The following DSCAM variants were observed in gnomAD, a reference collection of about 807,000 sequenced individuals.
The protein encoded by DSCAM is DS cell adhesion molecule, also known as cell adhesion molecule DSCAM.
In DSCAM, 47 loss-of-function variants were observed where a neutral mutation model predicts 217.7. The ratio of observed to expected loss-of-function variants is 0.22; its 90% CI spans 0.17 to 0.28. The LOEUF is 0.28. DSCAM is among the 10% of genes least tolerant of loss of function. The probability of loss-of-function intolerance (pLI) is 1.00; values close to 1 mark genes in which losing one functional copy is unlikely to be tolerated. For synonymous variants in DSCAM, 1,056 were observed against 1,015.3 expected (o/e 1.04, Z -0.76); for missense variants, 2,080 against 2,618.3 (o/e 0.79, Z 4.49).
At chr21:40,289,613 G>A (rs1320002494) in intron 10 of DSCAM, among the ~76,000 whole-genome samples, 1 of 152,132 alleles carries the variant, frequency 6.6e-6, no homozygotes, top group South Asian at 2.1e-4. Flanking sequence ...TTTTATTACA[G>A]TACATTGTAA....
At chr21:40,057,613 G>A (rs2089046273) in intron 28 of DSCAM, among the ~76,000 whole-genome samples, 1 of 152,090 alleles carries the variant, frequency 6.6e-6, no homozygotes, top group South Asian at 2.1e-4. Context: ...AACAATAAGG[G>A]GTCTGCTACC....
At chr21:40,396,256 T>C (rs1048203494) in intron 3 of DSCAM, among the ~76,000 whole-genome samples, 4 of 152,194 alleles carry the variant, frequency 2.6e-5, no homozygotes, top group African/African-American at 9.7e-5. Context: ...GCCATGCAAT[T>C]GCACAAGAAA....
chr21:40,514,858 T>C (rs923276861), intron 3 of DSCAM, among the ~76,000 whole-genome samples: 1 of 152,172 alleles, frequency 6.6e-6, no homozygotes, highest in African/African-American at 2.4e-5. Context: ...AACTTTGATT[T>C]AGAGTATAAA....
chr21:40,093,586 C>G, intron 21 of DSCAM, 135 bp downstream of exon 21: 2 of 1,095,814 alleles, frequency 1.8e-6, no homozygotes, highest in Non-Finnish European at 2.6e-6. Context: ...AGCCACAACC[C>G]TGTTTCTTGA....
rs545082921 is a variant in DSCAM, at chr21:40,362,598, G to A, written c.655+6501C>T. Among the ~76,000 whole-genome samples the A allele has an allele frequency of 1.8e-3, 276 of 152,174 alleles. 2 individuals are homozygous for A. The highest frequency in any genetic ancestry group is 5.0e-3 in the African/African-American group (207 of 41,522). On this transcript the variant is annotated intron_variant, in intron 4 of 32. Transcript: ENST00000400454. ...ATTTTCTAATTGTGTCATTTCGTTC[G>A]CATTCAGTAGATATAATTATTCTGC...
chr21:40,358,806 A>C (rs979899310), intron 4 of DSCAM, among the ~76,000 whole-genome samples: 1 of 151,928 alleles, frequency 6.6e-6, no homozygotes, highest in Non-Finnish European at 1.5e-5. Context: ...CATCTCGAAA[A>C]AAAAAAAAAA....
chr21:40,092,891 TA>T (rs1459265912), intron 21 of DSCAM, among the ~76,000 whole-genome samples: 1 of 152,208 alleles, frequency 6.6e-6, no homozygotes, highest in African/African-American at 2.4e-5. Flanking sequence ...CTCACTGCTT[TA>T]TTCTGCCTAT....
At chr21:40,570,170 A>T (rs1410006224) in intron 3 of DSCAM, among the ~76,000 whole-genome samples, 1 of 152,222 alleles carries the variant, frequency 6.6e-6, no homozygotes, top group Non-Finnish European at 1.5e-5. Context: ...GCTGTAAAGC[A>T]GAAAGAGATC....
chr21:40,260,191 C>T (rs1233061374), intron 11 of DSCAM, among the ~76,000 whole-genome samples: 1 of 152,160 alleles, frequency 6.6e-6, no homozygotes, highest in Non-Finnish European at 1.5e-5. Context: ...CCTTACTTGC[C>T]TGTGTATACA....
chr21:40,234,747 G>C (rs183013394), intron 11 of DSCAM, among the ~76,000 whole-genome samples: 4 of 152,078 alleles, frequency 2.6e-5, no homozygotes, highest in East Asian at 3.8e-4. Flanking sequence ...GGGTGGATAT[G>C]TTTCTTTTTT....
intron 24 of DSCAM, among the ~76,000 whole-genome samples, chr21:40,082,001 T>A (rs1290093798): frequency 6.6e-6 from 1 of 152,162 alleles, no homozygotes; most frequent in Non-Finnish European, 1.5e-5. Context: ...CATCCCTAGG[T>A]GCCCCCTATT....
rs1207888939 is a variant in DSCAM, at chr21:40,011,686, G to C, written c.*1348C>G. 6.6e-6 allele frequency: 1 copy of C among 152,136 alleles called. No individual in the cohort carries two copies. Among genetic ancestry groups the C allele is most frequent in the African/African-American group, 2.4e-5 (1 of 41,442 alleles). 9.4% of individuals were successfully genotyped at this position (152,136 alleles called of 1,614,324 possible). A position where few individuals can be genotyped will look rare whatever the true frequency, so the allele number is the denominator to read the frequency against. ...TATTTATGAGTAAATTCTCTCTTAG[G>C]ATGAGCCACATGGGAGATAAAGTGA... On this transcript the variant is annotated 3_prime_UTR_variant, in exon 33 of 33. Coordinates refer to ENST00000400454, the MANE Select transcript of DSCAM (RefSeq NM_001389.5).
intron 16 of DSCAM, among the ~76,000 whole-genome samples, chr21:40,146,798 C>T (rs2090362810): frequency 6.6e-6 from 1 of 152,164 alleles, no homozygotes; most frequent in East Asian, 1.9e-4. Flanking sequence ...TCCTCTGAAT[C>T]CACAGATGTG....
intron 3 of DSCAM, among the ~76,000 whole-genome samples, chr21:40,455,520 A>C (rs2075756336): frequency 6.6e-6 from 1 of 152,222 alleles, no homozygotes; most frequent in Non-Finnish European, 1.5e-5. Flanking sequence ...TAATCCCAGC[A>C]CTTTGGGAGG....
intron 1 of DSCAM, among the ~76,000 whole-genome samples, chr21:40,826,786 C>A (rs561571231): frequency 6.6e-5 from 10 of 152,210 alleles, no homozygotes; most frequent in Admixed American, 2.0e-4. Flanking sequence ...ATCCAGAAGG[C>A]CTCCTTCAGA....
intron 3 of DSCAM, among the ~76,000 whole-genome samples, chr21:40,649,888 G>C (rs1043542317): frequency 6.6e-6 from 1 of 152,080 alleles, no homozygotes; most frequent in African/African-American, 2.4e-5. Flanking sequence ...GAAACTTGGA[G>C]AGAGAGAGAG....
chr21:40,785,265 A>T (rs1413106202), intron 1 of DSCAM, among the ~76,000 whole-genome samples: 4 of 152,222 alleles, frequency 2.6e-5, no homozygotes, highest in Non-Finnish European at 5.9e-5. Context: ...ATTATCCTCC[A>T]GGAGCTGTGA....
At position 40,789,699 on chromosome 21, in the gene DSCAM, G is replaced by T. The variant is rs2091623315; in HGVS notation, c.43+56920C>A. Among the ~76,000 whole-genome samples, 5 of 152,008 alleles carry T rather than the reference G, an allele frequency of 3.3e-5. No homozygotes were observed. The South Asian group carries it at 1.0e-3, about 32-fold the overall frequency. ...GCCTCCCCAGTAGCTGGGACTACAG[G>T]TGCCCACCACCCCGCCCAGCTAATT... is the stretch of plus-strand genomic sequence containing the variant. On this transcript the variant is annotated intron_variant, in intron 1 of 32. Coordinates refer to ENST00000400454, the MANE Select transcript of DSCAM (RefSeq NM_001389.5).
chr21:40,484,083 G>T (rs927667596), intron 3 of DSCAM, among the ~76,000 whole-genome samples: 3 of 152,190 alleles, frequency 2.0e-5, no homozygotes, highest in African/African-American at 7.2e-5. Context: ...TTGCTTTCGA[G>T]AATGTCTCAA....
Sources: allele counts gnomAD v4.1 joint callset (sites outside exome capture counted in the v4.1 genomes callset), GRCh38; gene constraint gnomAD v4.1.1; transcripts MANE v1.5; gene names NCBI Gene and HGNC (gene_info 2026-07-23, HGNC 2026-07-21).